SUGCT: variants seen among roughly 807,000 people sequenced by gnomAD.
The protein encoded by SUGCT is succinyl-CoA:glutarate-CoA transferase.
Under a neutral mutation model 55.0 loss-of-function variants are expected in SUGCT, and 41 were observed. The observed-to-expected ratio is 0.74, with a 90% CI of 0.58 to 0.97. The LOEUF (loss-of-function observed/expected upper bound fraction) is 0.97. Among genes scored for constraint, SUGCT ranks in the 50% least tolerant of loss-of-function variants. The pLI, the probability that SUGCT is intolerant of heterozygous loss-of-function variation, is 0.00. For missense variants in SUGCT, 568 were observed against 547.8 expected, an observed-to-expected ratio of 1.04 and a Z score of -0.37; for synonymous variants, 187 against 200.4, an observed-to-expected ratio of 0.93 and a Z score of 0.56.
chr7:40,808,005 A>G lies in SUGCT; in HGVS notation c.1154-52311A>G, dbSNP rs141167273. Among the ~76,000 whole-genome samples, 30 of 152,280 alleles carry G rather than the reference A, an allele frequency of 2.0e-4. No individual in the cohort carries two copies. The East Asian group carries it at 5.8e-3, about 29-fold the overall frequency. On this transcript the variant is annotated intron_variant, in intron 13 of 13. Transcript: ENST00000335693. ...AGGGTGGGTGGGTCTGCCTTTCCCA[A>G]TCTACTGACTCAAATATTAATCTCC...
At chr7:40,992,770 A>G in the SUGCT span, among the ~76,000 whole-genome samples, 1 of 152,128 alleles carries the variant, frequency 6.6e-6, no homozygotes, top group Non-Finnish European at 1.5e-5. Context: ...ACCCTAGGTG[A>G]GTTATTTTCT....
At chr7:40,174,456 T>C (rs950591084) in intron 1 of SUGCT, among the ~76,000 whole-genome samples, 2 of 152,196 alleles carry the variant, frequency 1.3e-5, no homozygotes, top group African/African-American at 2.4e-5. Flanking sequence ...ATAGTGTTAT[T>C]ATATGTAAGT....
downstream of SUGCT, among the ~76,000 whole-genome samples, chr7:40,863,871 C>T (rs1365915019): frequency 6.6e-6 from 1 of 151,876 alleles, no homozygotes; most frequent in Non-Finnish European, 1.5e-5. Flanking sequence ...CCTGCTTGAT[C>T]TAGTGGTACT....
chr7:40,216,109 C>CTT (rs74272038), intron 6 of SUGCT, among the ~76,000 whole-genome samples: 241 of 128,182 alleles, frequency 1.9e-3, no homozygotes, highest in African/African-American at 6.5e-3. Flanking sequence ...CAGAGAAAGG[C>CTT]TTTTTTTTTT....
the SUGCT span, among the ~76,000 whole-genome samples, chr7:40,930,370 GT>G: frequency 1.3e-5 from 2 of 152,124 alleles, no homozygotes; most frequent in African/African-American, 4.8e-5. Context: ...CTCCAGCTTT[GT>G]TGTTTTTGCT....
At chr7:40,178,190 A>G (rs1169216094) in intron 1 of SUGCT, among the ~76,000 whole-genome samples, 4 of 152,102 alleles carry the variant, frequency 2.6e-5, no homozygotes, top group African/African-American at 9.7e-5. Flanking sequence ...TTTATTTTTT[A>G]AAGAAATAAA....
chr7:40,668,443 AT>A (rs1202100284), intron 12 of SUGCT, among the ~76,000 whole-genome samples: 1 of 152,184 alleles, frequency 6.6e-6, no homozygotes, highest in Non-Finnish European at 1.5e-5. Flanking sequence ...CTTTTCATTG[AT>A]TCATTCTCTA....
In SUGCT at chr7:40,544,169, C is replaced by A. The variant is rs541651368; in HGVS notation, c.1089+47783C>A. 8.6e-4 allele frequency among the ~76,000 whole-genome samples: 130 copies of A among 150,634 alleles called. 1 individual carries two copies. The Middle Eastern group carries it at 0.01, about 12-fold the overall frequency. On this transcript the variant is annotated intron_variant, in intron 12 of 13. Transcript: ENST00000335693. ...TTTTTTAGGGCAGTTTCTGTACACACCCGGTGTCCTGTGTTAAGCTGTCAT... is the reference window on the plus strand; with the variant it reads ...TTTTTTAGGGCAGTTTCTGTACACAACCGGTGTCCTGTGTTAAGCTGTCAT...
At chr7:40,819,396 T>A (rs1791856265) in intron 13 of SUGCT, among the ~76,000 whole-genome samples, 1 of 152,176 alleles carries the variant, frequency 6.6e-6, no homozygotes, top group African/African-American at 2.4e-5. Context: ...TGTTCCTATT[T>A]CTCCACATCC....
At chr7:40,895,810 A>G in the SUGCT span, among the ~76,000 whole-genome samples, 5 of 152,242 alleles carry the variant, frequency 3.3e-5, no homozygotes, top group African/African-American at 1.2e-4. Flanking sequence ...AAGATACAGT[A>G]CAAAGCTATT....
At chr7:40,337,132 G>C (rs138362726) in intron 9 of SUGCT, among the ~76,000 whole-genome samples, 2 of 152,126 alleles carry the variant, frequency 1.3e-5, no homozygotes, top group Non-Finnish European at 2.9e-5. Context: ...TATAATTTCT[G>C]TTCTTTTACA....
chr7:40,760,331 G>C (rs1788468708), intron 13 of SUGCT, among the ~76,000 whole-genome samples: 1 of 152,150 alleles, frequency 6.6e-6, no homozygotes, highest in South Asian at 2.1e-4. Context: ...GGCCAGAAAA[G>C]TTTAAAAGTA....
At chr7:40,530,868 G>A (rs1286842389) in intron 12 of SUGCT, among the ~76,000 whole-genome samples, 1 of 152,172 alleles carries the variant, frequency 6.6e-6, no homozygotes, top group African/African-American at 2.4e-5. Flanking sequence ...TCGATCATGG[G>A]TTAGGCGTGT....
rs577715853 is a variant in SUGCT, at chr7:40,636,070, C to T, written c.1090-113364C>T. Among the ~76,000 whole-genome samples the T allele has an allele frequency of 7.2e-5, 11 of 152,316 alleles. No individual in the cohort carries two copies. The South Asian group carries it at 2.3e-3, about 32-fold the overall frequency. On this transcript the variant is annotated intron_variant, in intron 12 of 13. Transcript: ENST00000335693. The stretch of plus-strand genomic sequence containing the variant: ...ACCACGACTGGTTGGTATTCCAAAT[C>T]TCTATTGCTGCATAACAAACTACCC...
chr7:40,137,676 A>G (rs1008467742), intron 1 of SUGCT, among the ~76,000 whole-genome samples: 1 of 151,968 alleles, frequency 6.6e-6, no homozygotes, highest in Admixed American at 6.6e-5. Context: ...CTCTCTCTAT[A>G]TATTTTTTAT....
intron 12 of SUGCT, among the ~76,000 whole-genome samples, chr7:40,707,045 T>C (rs1785453148): frequency 6.6e-6 from 1 of 152,172 alleles, no homozygotes. Context: ...TGTGTTAGCA[T>C]GTCCTAGCAG....
At chr7:40,313,769 T>G (rs1387103293) in intron 8 of SUGCT, among the ~76,000 whole-genome samples, 1 of 151,894 alleles carries the variant, frequency 6.6e-6, no homozygotes, top group Non-Finnish European at 1.5e-5. Context: ...TGTTTTGTAT[T>G]TTTAGTAGAG....
At chr7:40,632,314 A>G (rs1244341977) in intron 12 of SUGCT, among the ~76,000 whole-genome samples, 1 of 151,942 alleles carries the variant, frequency 6.6e-6, no homozygotes, top group Non-Finnish European at 1.5e-5. Context: ...GCCTTAGACA[A>G]TGGGCCTGGC....
At chr7:40,358,755 CT>C (rs1185173615) in intron 9 of SUGCT, among the ~76,000 whole-genome samples, 2 of 114,538 alleles carry the variant, frequency 1.7e-5, no homozygotes, top group Non-Finnish European at 3.8e-5. Context: ...AACAACAACA[CT>C]ACTATTCATA....
Sources: allele counts gnomAD v4.1 joint callset (sites outside exome capture counted in the v4.1 genomes callset), GRCh38; gene constraint gnomAD v4.1.1; transcripts MANE v1.5; gene names NCBI Gene and HGNC (gene_info 2026-07-23, HGNC 2026-07-21).